The following PRSS54 variants were observed in gnomAD, a reference collection of about 807,000 sequenced individuals.
PRSS54 encodes the protein serine protease 54, also known as inactive serine protease 54.
In PRSS54, 16 loss-of-function variants were observed where a neutral mutation model predicts 19.9. The observed-to-expected ratio is 0.80, with a 90% CI of 0.54 to 1.22. The LOEUF (loss-of-function observed/expected upper bound fraction) is 1.22, where lower values mean the gene tolerates loss of function less well. PRSS54 is among the 50% of genes most tolerant of loss of function. The pLI is 0.00. For synonymous variants in PRSS54, 177 were observed against 195.8 expected, an observed-to-expected ratio of 0.90 and a Z score of 0.80; for missense variants, 444 against 494.8, an observed-to-expected ratio of 0.90 and a Z score of 0.97.
At chr16:58,283,660 T>G (rs1964839589) in intron 6 of PRSS54, 3 of 152,166 alleles carry the variant, frequency 2.0e-5, no homozygotes, top group Non-Finnish European at 2.9e-5. Flanking sequence ...AAGCTATATC[T>G]TCACTGTATT....
At chr16:58,288,075 G>A (rs1964956589) in intron 4 of PRSS54, among the ~76,000 whole-genome samples, 1 of 152,124 alleles carries the variant, frequency 6.6e-6, no homozygotes, top group Non-Finnish European at 1.5e-5. Flanking sequence ...TCACCACGTG[G>A]TATAATTCAA....
At position 58,293,795 on chromosome 16, in the gene PRSS54, A is replaced by G. The variant is rs770379967; in HGVS notation, c.22T>C (p.Ser8Pro). Residue 8 changes from serine to proline, a missense_variant, in exon 3 of 7, where the codon TCT becomes CCT. By Grantham distance (74) the Ser-to-Pro change is moderately conservative. Coordinates refer to ENST00000567164, the MANE Select transcript of PRSS54 (RefSeq NM_001305173.2). MVSAAGL[S>P]GDGKMRGVLL... Reference sequence around the variant, plus strand: ...ACCCCTCGCATCTTGCCATCCCCAGAGAGACCCGCCGCGGACACCATGGGC... The same window carrying G: ...ACCCCTCGCATCTTGCCATCCCCAGGGAGACCCGCCGCGGACACCATGGGC... 2 of 1,613,120 alleles carry G rather than the reference A, an allele frequency of 1.2e-6. No individual in the cohort carries two copies. Among genetic ancestry groups the G allele is most frequent in the Non-Finnish European group, 1.7e-6 (2 of 1,179,672 alleles).
At chr16:58,290,308 T>A (rs1373628213) in intron 4 of PRSS54, among the ~76,000 whole-genome samples, 1 of 152,120 alleles carries the variant, frequency 6.6e-6, no homozygotes, top group African/African-American at 2.4e-5. Context: ...AATTTTCCAG[T>A]GGTTGAAATT....
At chr16:58,288,294 C>T (rs919504757) in intron 4 of PRSS54, among the ~76,000 whole-genome samples, 11 of 152,262 alleles carry the variant, frequency 7.2e-5, no homozygotes, top group African/African-American at 2.4e-4. Context: ...GGCATGGTGG[C>T]ATGCGCCTGT....
At chr16:58,289,122 A>G (rs1016463656) in intron 4 of PRSS54, among the ~76,000 whole-genome samples, 1 of 152,204 alleles carries the variant, frequency 6.6e-6, no homozygotes, top group African/African-American at 2.4e-5. Flanking sequence ...TGGTGTCCCT[A>G]TAAGAAGAGA....
rs1395087517 is a variant in PRSS54 at position 58,280,470 on chromosome 16, C to T, written c.942G>A (p.Gln314=). The T allele has an allele frequency of 6.2e-7, 1 of 1,614,186 alleles. No homozygotes were observed. Among genetic ancestry groups the T allele is most frequent in the African/African-American group, 1.3e-5 (1 of 75,024 alleles). ...AATGCGTGATGGTCCTTCTTTGTCC[C>T]TGCAAGTATGATCCAACATGGCCCA... is the stretch of plus-strand genomic sequence containing the variant. ...SELGHVGSYL[Q]GQRRTITHSR... The change falls in exon 7 of 7, where the codon CAG becomes CAA. Residue 314 remains glutamine, a synonymous_variant. Coordinates refer to ENST00000567164, the MANE Select transcript of PRSS54 (RefSeq NM_001305173.2).
intron 4 of PRSS54, among the ~76,000 whole-genome samples, chr16:58,289,650 C>T (rs1397994579): frequency 2.0e-5 from 3 of 151,768 alleles, no homozygotes; most frequent in Non-Finnish European, 4.4e-5. Flanking sequence ...TAGTTCACTG[C>T]AACCTCCACC....
At chr16:58,284,513 A>T (rs1280708274) in intron 6 of PRSS54, 77 bp downstream of exon 6, 7 of 1,535,054 alleles carry the variant, frequency 4.6e-6, no homozygotes, top group Non-Finnish European at 5.4e-6. Flanking sequence ...CATCTAGGGA[A>T]GGGGAGTCCT....
At chr16:58,288,293 G>A (rs1253482977) in intron 4 of PRSS54, among the ~76,000 whole-genome samples, 1 of 152,178 alleles carries the variant, frequency 6.6e-6, no homozygotes, top group Non-Finnish European at 1.5e-5. Flanking sequence ...GGGCATGGTG[G>A]CATGCGCCTG....
Position 58,286,112 on chromosome 16 carries a change from A to T in PRSS54, c.347T>A (p.Ile116Asn). The change falls in exon 5 of 7, where the codon ATC becomes AAC. Residue 116 changes from isoleucine (I) to asparagine (N), a missense_variant. Ile to Asn is a moderately radical substitution (Grantham distance 149). Coordinates refer to ENST00000567164, the MANE Select transcript of PRSS54 (RefSeq NM_001305173.2). ...GTTGTTATCAAAGTCCTCATGGATG[A>T]TGATGGTATTGACTGGATACTCTGT... ...AHTEYPVNTI[I>N]IHEDFDNNSM... The T allele has an allele frequency of 6.2e-7, 1 of 1,614,198 alleles. No individual in the cohort carries two copies. The highest frequency in any genetic ancestry group is 8.5e-7 in the Non-Finnish European group (1 of 1,179,988).
In PRSS54 at chr16:58,294,005, G is replaced by T; in HGVS notation, c.-27C>A. ...CTGACCTGTCTTATCCCTAGTGCTTGGTTCTGTGTGGTAAAGAGGCAGGAC... is the reference window on the plus strand; with the variant it reads ...CTGACCTGTCTTATCCCTAGTGCTTTGTTCTGTGTGGTAAAGAGGCAGGAC... On this transcript the variant is annotated 5_prime_UTR_variant, in exon 2 of 7. Transcript: ENST00000567164. The T allele has an allele frequency of 1.7e-6, 1 of 604,590 alleles. No individual in the cohort carries two copies. Among genetic ancestry groups the T allele is most frequent in the Non-Finnish European group, 3.0e-6 (1 of 338,898 alleles). 37.5% of individuals were successfully genotyped at this position (604,590 alleles called of 1,614,324 possible).
At chr16:58,292,524 A>G (rs1965058033) in intron 3 of PRSS54, among the ~76,000 whole-genome samples, 1 of 150,840 alleles carries the variant, frequency 6.6e-6, no homozygotes, top group Non-Finnish European at 1.5e-5. Flanking sequence ...AACATATAGA[A>G]TTATCATTAA....
chr16:58,280,282 T>G lies in PRSS54; in HGVS notation c.1130A>C (p.Gln377Pro). ...RIFAGQNRLYQPEEIILVSFV... is the reference protein window; with the variant it reads ...RIFAGQNRLYPPEEIILVSFV... ...GGAAACCAAGATGATTTCTTCGGGCTGATACAACCTGTTCTGACCTGCAAA... is the reference window on the plus strand; with the variant it reads ...GGAAACCAAGATGATTTCTTCGGGCGGATACAACCTGTTCTGACCTGCAAA... Residue 377 changes from glutamine to proline, a missense_variant, in exon 7 of 7, where the codon CAG becomes CCG. Physicochemically the swap from Gln to Pro is moderately conservative, Grantham distance 76. Transcript: ENST00000567164. 6.2e-7 allele frequency: 1 copy of G among 1,614,098 alleles called. No homozygotes were observed. The highest frequency in any genetic ancestry group is 8.5e-7 in the Non-Finnish European group (1 of 1,180,014).
At chr16:58,294,445 G>T (rs1965103450) in intron 1 of PRSS54, among the ~76,000 whole-genome samples, 1 of 152,180 alleles carries the variant, frequency 6.6e-6, no homozygotes, top group Admixed American at 6.5e-5. Context: ...CTGCCTCCCA[G>T]GTTCAAGCGA....
At chr16:58,291,232 C>A in intron 3 of PRSS54, 96 bp from the exon 4 acceptor site, 1 of 1,143,002 alleles carries the variant, frequency 8.7e-7, no homozygotes, top group Non-Finnish European at 1.2e-6. Flanking sequence ...TAACGCTATC[C>A]GCAACCCCTT....
rs562308767 is a variant in PRSS54 at position 58,285,993 on chromosome 16, G to C, written c.466C>G (p.His156Asp). The change falls in exon 5 of 7, where the codon CAT becomes GAT. Residue 156 changes from histidine to aspartate, a missense_variant. Transcript: ENST00000567164. ...CAGTTCTGCAAGACTGGTGGTGTAT[G>C]CAGCATTCTGCCGAGGAAGCAGATG... ...QSICFLGRML[H>D]TPPVLQNCWV... 1.9e-6 allele frequency: 3 copies of C among 1,614,212 alleles called. No individual in the cohort carries two copies. In the Admixed American group the frequency reaches 5.0e-5, roughly 27 times the overall value.
Position 58,286,027 on chromosome 16 carries a change from C to T in PRSS54, c.432G>A (p.Leu144=), listed in dbSNP as rs373857606. The T allele has an allele frequency of 1.5e-5, 25 of 1,614,020 alleles. No individual in the cohort carries two copies. The African/African-American group carries it at 2.9e-4, about 19-fold the overall frequency. ...KTDTAMHFGN[L]VQSICFLGRM... ...TGCCGAGGAAGCAGATGGACTGGAC[C>T]AGGTTGCCAAAATGCATCGCTGTGT... The change falls in exon 5 of 7, where the codon CTG becomes CTA. Residue 144 remains leucine, a synonymous_variant. Coordinates refer to ENST00000567164, the MANE Select transcript of PRSS54 (RefSeq NM_001305173.2).
At chr16:58,291,972 C>T (rs913750379) in intron 3 of PRSS54, among the ~76,000 whole-genome samples, 4 of 151,746 alleles carry the variant, frequency 2.6e-5, no homozygotes, top group Admixed American at 2.0e-4. Flanking sequence ...CTCTGTCGCC[C>T]GGCTGGAGTG....
At chr16:58,285,864 T>C in intron 5 of PRSS54, 73 bp downstream of exon 5, 1 of 1,553,244 alleles carries the variant, frequency 6.4e-7, no homozygotes, top group South Asian at 1.2e-5. Flanking sequence ...AGATAGGCCC[T>C]AGATTGGATT....
Sources: gnomAD v4.1 joint callset for allele counts (sites outside exome capture counted in the v4.1 genomes callset) on GRCh38, gnomAD v4.1.1 for gene constraint, MANE v1.5 for transcripts, NCBI Gene and HGNC (gene_info 2026-07-23, HGNC 2026-07-21) for gene names.